Variants in GRIP1 observed in about 807,000 individuals in gnomAD.
The protein encoded by GRIP1 is glutamate receptor-interacting protein 1.
Under a neutral mutation model 129.9 loss-of-function variants are expected in GRIP1, and 45 were observed. That is an observed-to-expected ratio of 0.35 (90% CI 0.27 to 0.44). The LOEUF is 0.44. GRIP1 is among the 20% of genes least tolerant of loss of function. GRIP1 has a pLI of 1.00. For missense variants in GRIP1, 1,196 were observed against 1,396.8 expected (o/e 0.86, Z 2.29); for synonymous variants, 530 against 520.8 (o/e 1.02, Z -0.24).
At chr12:66,544,843 T>G (rs2061898634) in intron 2 of GRIP1, among the ~76,000 whole-genome samples, 1 of 152,156 alleles carries the variant, frequency 6.6e-6, no homozygotes, top group Non-Finnish European at 1.5e-5. Flanking sequence ...ATACCCTTTT[T>G]GGTGTTTAAT....
At chr12:66,798,785 T>C (rs1482260956) in intron 1 of GRIP1, among the ~76,000 whole-genome samples, 1 of 152,174 alleles carries the variant, frequency 6.6e-6, no homozygotes, top group African/African-American at 2.4e-5. Flanking sequence ...TCACTTTAAT[T>C]AACATCATCT....
At chr12:66,385,230 G>A (rs1472305709) in intron 19 of GRIP1, among the ~76,000 whole-genome samples, 1 of 152,148 alleles carries the variant, frequency 6.6e-6, no homozygotes, top group Non-Finnish European at 1.5e-5. Context: ...TTTTTTAAAT[G>A]TACTGGCCAG....
intron 1 of GRIP1, among the ~76,000 whole-genome samples, chr12:66,881,650 G>C (rs1207516341): frequency 6.6e-6 from 1 of 152,064 alleles, no homozygotes; most frequent in Non-Finnish European, 1.5e-5. Context: ...TTACAAAGGA[G>C]GGGGAAAGGG....
In GRIP1 at chr12:66,678,935, A is replaced by G. The variant is rs961655483; in HGVS notation, c.-31T>C. 8.1e-6 allele frequency: 13 copies of G among 1,612,986 alleles called. No homozygotes were observed. Among genetic ancestry groups the G allele is most frequent in the Non-Finnish European group, 1.1e-5 (13 of 1,179,330 alleles). On this transcript the variant is annotated 5_prime_UTR_variant, in exon 1 of 25. Transcript: ENST00000359742. ...CTCACTGCTTTCTGTGGCAAAGTGT[A>G]CTCAAGGCTCTCTGCTCTGGTGGCT... is the stretch of plus-strand genomic sequence containing the variant.
intron 23 of GRIP1, 77 bp downstream of exon 23, chr12:66,371,617 G>T: frequency 1.1e-6 from 1 of 905,172 alleles, no homozygotes; most frequent in Non-Finnish European, 1.9e-6. Context: ...CCATTGCCAT[G>T]CTTACATCTC....
At position 66,468,570 on chromosome 12, in the gene GRIP1, A is replaced by G. The variant is rs922940338; in HGVS notation, c.725-3148T>C. Among the ~76,000 whole-genome samples, 11 of 152,322 alleles carry G rather than the reference A, an allele frequency of 7.2e-5. No individual in the cohort carries two copies. In the South Asian group the frequency reaches 2.3e-3, roughly 32 times the overall value. The stretch of plus-strand genomic sequence containing the variant: ...ACAACCAACCATTACCCAATACTCA[A>G]ACAAAGTATTCATTTTTCTAAAAAG... On this transcript the variant is annotated intron_variant, in intron 7 of 24. Transcript: ENST00000359742.
intron 1 of GRIP1, among the ~76,000 whole-genome samples, chr12:66,745,452 C>T (rs924040728): frequency 2.6e-4 from 39 of 152,200 alleles, no homozygotes; most frequent in Middle Eastern, 3.4e-3. Flanking sequence ...CCACTAGGTC[C>T]CAAATATTGC....
intron 1 of GRIP1, among the ~76,000 whole-genome samples, chr12:66,786,579 C>CT (rs2038353278): frequency 6.6e-6 from 1 of 152,220 alleles, no homozygotes; most frequent in South Asian, 2.1e-4. Flanking sequence ...GCCCCCAGTG[C>CT]TTTACCCAGT....
At chr12:66,515,253 A>T (rs1179188508) in intron 7 of GRIP1, among the ~76,000 whole-genome samples, 3 of 152,060 alleles carry the variant, frequency 2.0e-5, no homozygotes, top group Non-Finnish European at 4.4e-5. Context: ...TACTGCTGTC[A>T]GTCTCTATGT....
At chr12:66,574,105 A>G (rs2063058372) in intron 2 of GRIP1, among the ~76,000 whole-genome samples, 1 of 152,232 alleles carries the variant, frequency 6.6e-6, no homozygotes, top group Non-Finnish European at 1.5e-5. Flanking sequence ...ACACGTGCAG[A>G]AACAAATGGT....
intron 1 of GRIP1, among the ~76,000 whole-genome samples, chr12:66,650,002 G>A (rs1039619153): frequency 6.6e-6 from 1 of 152,188 alleles, no homozygotes; most frequent in African/African-American, 2.4e-5. Context: ...CTAGGAGAAT[G>A]TGTCTAGCGA....
intron 19 of GRIP1, among the ~76,000 whole-genome samples, chr12:66,381,610 G>T (rs2056111677): frequency 6.6e-6 from 1 of 152,174 alleles, no homozygotes. Context: ...GATGACCACT[G>T]AATTCCCTGG....
At chr12:66,369,365 T>TA (rs1165354106) in intron 23 of GRIP1, among the ~76,000 whole-genome samples, 1 of 144,638 alleles carries the variant, frequency 6.9e-6, no homozygotes, top group African/African-American at 2.7e-5. Flanking sequence ...TTTTTTTTTT[T>TA]AGCAGAGCCA....
chr12:66,486,458 T>G (rs1317193903), intron 7 of GRIP1, among the ~76,000 whole-genome samples: 2 of 152,176 alleles, frequency 1.3e-5, no homozygotes, highest in Non-Finnish European at 2.9e-5. Flanking sequence ...TCCCACATGT[T>G]GTGGGAGGAA....
intron 1 of GRIP1, among the ~76,000 whole-genome samples, chr12:66,989,323 C>T (rs2042360066): frequency 6.6e-6 from 1 of 152,244 alleles, no homozygotes. Context: ...TGCAGCACAG[C>T]ATGGGAAGTT....
intron 11 of GRIP1, among the ~76,000 whole-genome samples, chr12:66,450,544 T>C (rs1432008591): frequency 2.9e-5 from 4 of 140,302 alleles, no homozygotes; most frequent in African/African-American, 5.0e-5. Flanking sequence ...CAAGTTGAGA[T>C]GATAAAAATT....
intron 1 of GRIP1, among the ~76,000 whole-genome samples, chr12:66,723,731 C>T (rs2036168827): frequency 6.6e-6 from 1 of 152,094 alleles, no homozygotes; most frequent in Non-Finnish European, 1.5e-5. Context: ...ACATGTAAAA[C>T]AGTATGAGAT....
intron 2 of GRIP1, among the ~76,000 whole-genome samples, chr12:66,550,910 G>T (rs1353074624): frequency 1.3e-5 from 2 of 152,192 alleles, no homozygotes; most frequent in Admixed American, 1.3e-4. Context: ...AAAGCACTGG[G>T]CAGGATATCT....
At chr12:66,387,238 G>A (rs1040367386) in intron 19 of GRIP1, among the ~76,000 whole-genome samples, 1 of 152,202 alleles carries the variant, frequency 6.6e-6, no homozygotes, top group South Asian at 2.1e-4. Context: ...AAGTACATGT[G>A]ATCCCATCTG....
Sources: gnomAD v4.1 joint callset for allele counts (sites outside exome capture counted in the v4.1 genomes callset) on GRCh38, gnomAD v4.1.1 for gene constraint, MANE v1.5 for transcripts, NCBI Gene and HGNC (gene_info 2026-07-23, HGNC 2026-07-21) for gene names.